The following TASOR2 variants were observed in gnomAD, a reference collection of about 807,000 sequenced individuals.
TASOR2 encodes the protein protein TASOR 2.
In TASOR2, 84 loss-of-function variants were observed where a neutral mutation model predicts 199.5. That is an observed-to-expected ratio of 0.42 (90% CI 0.35 to 0.50). TASOR2 has a LOEUF of 0.50. Among genes scored for constraint, TASOR2 ranks in the 20% least tolerant of loss-of-function variants. The pLI, the probability that TASOR2 is intolerant of heterozygous loss-of-function variation, is 0.02. For synonymous variants in TASOR2, 1,103 were observed against 1,046.6 expected (o/e 1.05, Z -1.04); for missense variants, 2,796 against 2,835.9 (o/e 0.99, Z 0.32).
intron 16 of TASOR2, 35 bp from the exon 18 acceptor site, chr10:5,757,485 C>T (rs749910876): frequency 6.6e-7 from 1 of 1,522,662 alleles, no homozygotes. Context: ...GCCCAGTGAG[C>T]CTCTCTTCAC....
chr10:5,729,921 A>C (rs1252086524), intron 10 of TASOR2, among the ~76,000 whole-genome samples: 3 of 151,934 alleles, frequency 2.0e-5, no homozygotes, highest in Admixed American at 2.0e-4. Context: ...TAGACTAGTC[A>C]GTTTTAGAAG....
chr10:5,740,256 A>C lies in TASOR2; in HGVS notation c.2086A>C (p.Met696Leu), dbSNP rs1168896931. The C allele has an allele frequency of 6.2e-7, 1 of 1,614,234 alleles. No individual in the cohort carries two copies. The highest frequency in any genetic ancestry group is 8.5e-7 in the Non-Finnish European group (1 of 1,180,044). ...AGCAGCAACCCCAGTGGGGAAAGTC[A>C]TGCCATTTCGGCATCAGCCCGGCCT... Residue 696 changes from methionine (M) to leucine (L), a missense_variant, in exon 13 of 21, where the codon ATG becomes CTG. Coordinates refer to ENST00000328090, the Ensembl canonical transcript of TASOR2. The surrounding 1 kb of genome is among the most constrained non-coding windows in gnomAD (Gnocchi z 5.3).
chr10:5,748,133 C>T lies in TASOR2; in HGVS notation c.4712C>T (p.Ser1571Phe). Residue 1571 changes from serine (S) to phenylalanine (F), a missense_variant, in exon 15 of 21, where the codon TCC becomes TTC. Around this residue, in one of 3 missense-constraint regions of TASOR2, gnomAD observed 1,941 missense variants for 1,924.9 expected, o/e 1.01. Transcript: ENST00000328090. This position sits in a 1 kb window ranked among gnomAD's most constrained non-coding sequence, Gnocchi z 5.1. ...GACTTAAAACATCTTGTCTTGGAGT[C>T]CAGTGAACCTCCATTTGGTCCTAGA... 6.2e-7 allele frequency: 1 copy of T among 1,614,184 alleles called. No homozygotes were observed. Among genetic ancestry groups the T allele is most frequent in the African/African-American group, 1.3e-5 (1 of 75,040 alleles).
chr10:5,688,815 G>A (rs1353166949), intron 1 of TASOR2, among the ~76,000 whole-genome samples: 3 of 151,634 alleles, frequency 2.0e-5, no homozygotes, highest in African/African-American at 4.9e-5. Flanking sequence ...ACCAGCCTGG[G>A]CAACATAGTG....
Position 5,699,108 on chromosome 10 carries a change from A to G in TASOR2, c.-287-13715A>G, listed in dbSNP as rs1837490384. Reference sequence around the variant, plus strand: ...GTGCATCAGTTGATGGATAAACAAAATGTAGTATATCCACAAAGTGGAATA... The same window carrying G: ...GTGCATCAGTTGATGGATAAACAAAGTGTAGTATATCCACAAAGTGGAATA... On this transcript the variant is annotated intron_variant, in intron 1 of 20. Transcript: ENST00000328090. This position sits in a 1 kb window ranked among gnomAD's most constrained non-coding sequence, Gnocchi z 4.1. Among the ~76,000 whole-genome samples, 1 of 152,232 alleles carries G rather than the reference A, an allele frequency of 6.6e-6. No homozygotes were observed. The highest frequency in any genetic ancestry group is 2.1e-4 in the South Asian group (1 of 4,834).
rs1838115916 is a variant in TASOR2, at chr10:5,752,046, A to G, written c.6606+2019A>G. Among the ~76,000 whole-genome samples the G allele has an allele frequency of 6.6e-6, 1 of 151,426 alleles. No homozygotes were observed. Among genetic ancestry groups the G allele is most frequent in the Non-Finnish European group, 1.5e-5 (1 of 67,888 alleles). ...GTATAATGAGACCCCTCACTGAGGC[A>G]CTAATCCTGACCTCCCGAAACTCCC... On this transcript the variant is annotated intron_variant, in intron 15 of 20. Coordinates refer to ENST00000328090, the Ensembl canonical transcript of TASOR2. This position sits in a 1 kb window ranked among gnomAD's most constrained non-coding sequence, Gnocchi z 4.4.
At chr10:5,747,631 A>C in exon 15 of TASOR2, 1 of 1,614,240 alleles carries the variant, frequency 6.2e-7, no homozygotes, top group Non-Finnish European at 8.5e-7. Context: ...ACCAGCGTCT[A>C]GTCCTGAACC....
chr10:5,739,434 T>C (rs1836067822), intron 12 of TASOR2, among the ~76,000 whole-genome samples, 184 bp from the exon 14 acceptor site: 1 of 152,232 alleles, frequency 6.6e-6, no homozygotes, highest in East Asian at 1.9e-4. Context: ...TAATATGCAA[T>C]ATGTATAACA....
exon 16 of TASOR2, chr10:5,756,683 A>G: frequency 1.2e-6 from 2 of 1,613,698 alleles, no homozygotes; most frequent in Non-Finnish European, 1.7e-6. Flanking sequence ...CACAGAGAGA[A>G]TGATACACTA....
chr10:5,705,470 A>G (rs1260282862), intron 1 of TASOR2, among the ~76,000 whole-genome samples: 1 of 152,038 alleles, frequency 6.6e-6, no homozygotes, highest in African/African-American at 2.4e-5. Flanking sequence ...GTTTTTGTGG[A>G]TATGTTTTAT....
chr10:5,698,943 A>G lies in TASOR2; in HGVS notation c.-288+13768A>G, dbSNP rs1359349965. Among the ~76,000 whole-genome samples the G allele has an allele frequency of 6.6e-6, 1 of 152,174 alleles. No individual in the cohort carries two copies. Among genetic ancestry groups the G allele is most frequent in the Non-Finnish European group, 1.5e-5 (1 of 68,008 alleles). On this transcript the variant is annotated intron_variant, in intron 1 of 20. Transcript: ENST00000328090. The surrounding 1 kb of genome is among the most constrained non-coding windows in gnomAD (Gnocchi z 4.4). ...CTGGCAGTTTCTCAGATGAGCAGAC[A>G]CAGATTTACTGGAAGAGCAAGCCAT...
At chr10:5,684,846 T>C (rs1436114745) in exon 1 of TASOR2, 7 of 386,268 alleles carry the variant, frequency 1.8e-5, no homozygotes, top group Non-Finnish European at 2.7e-5. Context: ...TTGCTTCCGG[T>C]TGCTAGCGCC....
At position 5,706,859 on chromosome 10, in the gene TASOR2, C is replaced by T. The variant is rs539953153; in HGVS notation, c.-287-5964C>T. ...CTCTACTAAAAATACAAAAATTAGC[C>T]GGGCATGTTGCTGGGCACTTGTAAT... On this transcript the variant is annotated intron_variant, in intron 1 of 20. Transcript: ENST00000328090. This position sits in a 1 kb window ranked among gnomAD's most constrained non-coding sequence, Gnocchi z 4.8. Among the ~76,000 whole-genome samples, 13 of 151,946 alleles carry T rather than the reference C, an allele frequency of 8.6e-5. No individual in the cohort carries two copies. The highest frequency in any genetic ancestry group is 2.1e-4 in the South Asian group (1 of 4,816).
At chr10:5,757,914 C>A (rs1399266464) in intron 17 of TASOR2, among the ~76,000 whole-genome samples, 1 of 152,076 alleles carries the variant, frequency 6.6e-6, no homozygotes, top group Non-Finnish European at 1.5e-5. Context: ...CCCTCCCTCT[C>A]GGTAGTGCAG....
At chr10:5,693,385 G>T (rs145063605) in intron 1 of TASOR2, among the ~76,000 whole-genome samples, 3 of 152,332 alleles carry the variant, frequency 2.0e-5, no homozygotes, top group African/African-American at 7.2e-5. Context: ...CTCCCTTTGT[G>T]CGTGCCGTGA....
Position 5,730,951 on chromosome 10 carries a change from AAAG to A in TASOR2, c.955_957del (p.Glu319del), listed in dbSNP as rs1834729381. On this transcript the variant is annotated inframe_deletion, in exon 11 of 21. Coordinates refer to ENST00000328090, the Ensembl canonical transcript of TASOR2. The surrounding 1 kb of genome is among the most constrained non-coding windows in gnomAD (Gnocchi z 4.1). ...TCTTGTCTCAGAGGCAGAAGTGAGA[AAAG>A]AAACTGAAACAAAAAAGGATTCTGA... 6.2e-7 allele frequency: 1 copy of A among 1,614,184 alleles called. No individual in the cohort carries two copies. Among genetic ancestry groups the A allele is most frequent in the Non-Finnish European group, 8.5e-7 (1 of 1,180,036 alleles).
At chr10:5,746,875 C>A (rs1837301796) in exon 15 of TASOR2, 1 of 1,614,076 alleles carries the variant, frequency 6.2e-7, no homozygotes, top group Non-Finnish European at 8.5e-7. Context: ...AGTCTCTCTA[C>A]CATCTGATAA....
chr10:5,759,156 G>GA (rs1188766533), intron 18 of TASOR2, among the ~76,000 whole-genome samples, 164 bp downstream of exon 19: 1 of 152,186 alleles, frequency 6.6e-6, no homozygotes, highest in Non-Finnish European at 1.5e-5. Context: ...TATGTGCTGT[G>GA]ACCGTAGCCA....
chr10:5,707,474 G>T (rs147877752), intron 1 of TASOR2, among the ~76,000 whole-genome samples: 7 of 152,148 alleles, frequency 4.6e-5, no homozygotes, highest in African/African-American at 1.7e-4. Flanking sequence ...CTTCAGACAA[G>T]ATCCTAGGCT....
Sources: allele counts gnomAD v4.1 joint callset (sites outside exome capture counted in the v4.1 genomes callset), GRCh38; gene constraint gnomAD v4.1.1; regional missense constraint gnomAD v4.1.1; non-coding constraint Gnocchi (gnomAD v3.1); transcripts MANE v1.5; gene names NCBI Gene and HGNC (gene_info 2026-07-23, HGNC 2026-07-21).